The following KCTD16 variants were observed in gnomAD, a reference collection of about 807,000 sequenced individuals.
KCTD16 encodes the protein BTB/POZ domain-containing protein KCTD16.
Under a neutral mutation model 33.2 loss-of-function variants are expected in KCTD16, and 13 were observed. That is an observed-to-expected ratio of 0.39 (90% CI 0.25 to 0.62). The LOEUF (loss-of-function observed/expected upper bound fraction) is 0.62. Among genes scored for constraint, KCTD16 ranks in the 20% least tolerant of loss-of-function variants. The pLI is 0.50. For synonymous variants in KCTD16, 197 were observed against 195.3 expected, an observed-to-expected ratio of 1.01 and a Z score of -0.07; for missense variants, 441 against 525.1, an observed-to-expected ratio of 0.84 and a Z score of 1.57.
chr5:144,323,276 A>G (rs1444351760), intron 3 of KCTD16, among the ~76,000 whole-genome samples: 4 of 152,172 alleles, frequency 2.6e-5, no homozygotes, highest in South Asian at 2.1e-4. Context: ...TTTCTTTTCT[A>G]TCAGCCTTTT....
At chr5:144,200,657 A>G (rs1343784632) in intron 2 of KCTD16, among the ~76,000 whole-genome samples, 1 of 152,276 alleles carries the variant, frequency 6.6e-6, no homozygotes, top group Non-Finnish European at 1.5e-5. Context: ...TGTCAAAATC[A>G]TACGTGAACT....
At chr5:144,338,185 A>G (rs929297218) in intron 3 of KCTD16, among the ~76,000 whole-genome samples, 2 of 152,184 alleles carry the variant, frequency 1.3e-5, no homozygotes, top group Non-Finnish European at 1.5e-5. Flanking sequence ...GATCTTCTAC[A>G]TCAAGTGACT....
chr5:144,477,559 C>G lies in KCTD16; in HGVS notation c.*3445C>G, dbSNP rs1754621440. On this transcript the variant is annotated 3_prime_UTR_variant, in exon 4 of 4. Transcript: ENST00000512467. ...ACAGGTGTGTTGCTTGTTCTGGGCC[C>G]CATTACTGCCTGCGCTTCTGGATTA... 1 of 152,012 alleles carries G rather than the reference C, an allele frequency of 6.6e-6. No individual in the cohort carries two copies. The highest frequency in any genetic ancestry group is 2.1e-4 in the South Asian group (1 of 4,808). The allele number at this position is 152,012 out of a possible 1,614,324, so 9.4% of individuals were successfully genotyped here. A position where few individuals can be genotyped will look rare whatever the true frequency, so the allele number is the denominator to read the frequency against.
intron 3 of KCTD16, among the ~76,000 whole-genome samples, chr5:144,453,368 T>A (rs1317414600): frequency 1.3e-5 from 2 of 152,272 alleles, no homozygotes; most frequent in East Asian, 3.9e-4. Context: ...AGTCTTCCTC[T>A]ATCTTGATGC....
chr5:144,272,161 T>C (rs1200975228), intron 3 of KCTD16, among the ~76,000 whole-genome samples: 1 of 152,112 alleles, frequency 6.6e-6, no homozygotes, highest in Non-Finnish European at 1.5e-5. Flanking sequence ...TCTTTCCTCA[T>C]GCCTGTAATC....
chr5:144,345,206 G>T (rs1168660734), intron 3 of KCTD16, among the ~76,000 whole-genome samples: 2 of 142,894 alleles, frequency 1.4e-5, no homozygotes. Context: ...GGACTGTTGT[G>T]GGGTGGGGGA....
At chr5:144,344,345 C>A in intron 3 of KCTD16, among the ~76,000 whole-genome samples, 1 of 142,372 alleles carries the variant, frequency 7.0e-6, no homozygotes. Flanking sequence ...CAACAAAAGC[C>A]AAAATTGACA....
intron 3 of KCTD16, among the ~76,000 whole-genome samples, chr5:144,386,980 T>C (rs552291419): frequency 4.6e-5 from 7 of 151,988 alleles, no homozygotes; most frequent in Non-Finnish European, 1.0e-4. Context: ...CAAAGCACTT[T>C]TTTTTTTTGA....
intron 3 of KCTD16, among the ~76,000 whole-genome samples, chr5:144,459,597 G>A (rs891335101): frequency 1.3e-5 from 2 of 151,890 alleles, no homozygotes; most frequent in Non-Finnish European, 2.9e-5. Flanking sequence ...TGATCTGCTC[G>A]CCTCAGCCTC....
intron 3 of KCTD16, among the ~76,000 whole-genome samples, chr5:144,397,897 A>G (rs1752610643): frequency 6.6e-6 from 1 of 152,198 alleles, no homozygotes; most frequent in Non-Finnish European, 1.5e-5. Context: ...GATGTTAGTG[A>G]GAAGAACATG....
chr5:144,341,092 G>A (rs565822108), intron 3 of KCTD16, among the ~76,000 whole-genome samples: 2 of 152,182 alleles, frequency 1.3e-5, no homozygotes, highest in South Asian at 4.1e-4. Flanking sequence ...GAATCTGATG[G>A]CACTTTGGCT....
intron 3 of KCTD16, chr5:144,383,065 C>T (rs970475481): frequency 6.6e-6 from 1 of 152,180 alleles, no homozygotes; most frequent in African/African-American, 2.4e-5. Flanking sequence ...GTTACCTCTG[C>T]AGAGAAGCAG....
At chr5:144,325,661 A>G (rs758635975) in intron 3 of KCTD16, among the ~76,000 whole-genome samples, 22 of 152,018 alleles carry the variant, frequency 1.4e-4, no homozygotes, top group Non-Finnish European at 3.1e-4. Context: ...CAGCCTGGGT[A>G]TGACGTGCTC....
Position 144,425,725 on chromosome 5 carries a change from G to C in KCTD16, c.833-47935G>C, listed in dbSNP as rs77171805. Among the ~76,000 whole-genome samples, 348 of 152,184 alleles carry C rather than the reference G, an allele frequency of 2.3e-3. 1 individual carries two copies. The highest frequency in any genetic ancestry group is 8.0e-3 in the African/African-American group (333 of 41,540). ...CCATGACTGAGGCAAAAGAAGCACTGTGCTGGAATGCAAGGAACAGAGTCC... is the reference window on the plus strand; with the variant it reads ...CCATGACTGAGGCAAAAGAAGCACTCTGCTGGAATGCAAGGAACAGAGTCC... On this transcript the variant is annotated intron_variant, in intron 3 of 3. Transcript: ENST00000512467.
chr5:144,376,692 G>A (rs1443181810), intron 3 of KCTD16, among the ~76,000 whole-genome samples: 1 of 152,222 alleles, frequency 6.6e-6, no homozygotes, highest in East Asian at 1.9e-4. Context: ...AATCCTTCCT[G>A]TGAGTCCTAG....
chr5:144,431,133 T>C (rs1286947048), intron 3 of KCTD16, among the ~76,000 whole-genome samples: 1 of 152,068 alleles, frequency 6.6e-6, no homozygotes, highest in Non-Finnish European at 1.5e-5. Context: ...AATTATGAAT[T>C]GAGAAATTAG....
chr5:144,187,019 T>C (rs1752741038), intron 2 of KCTD16, among the ~76,000 whole-genome samples: 2 of 152,152 alleles, frequency 1.3e-5, no homozygotes, highest in South Asian at 4.1e-4. Context: ...ATGATTCAAA[T>C]AATCACTCCT....
At chr5:144,339,184 A>G (rs551386569) in intron 3 of KCTD16, among the ~76,000 whole-genome samples, 7 of 152,260 alleles carry the variant, frequency 4.6e-5, no homozygotes, top group Admixed American at 1.3e-4. Context: ...ACCTCATTCA[A>G]TCTTCTCAAT....
At position 144,199,589 on chromosome 5, in the gene KCTD16, T is replaced by C. The variant is rs576817223; in HGVS notation, c.-326-6800T>C. Among the ~76,000 whole-genome samples the C allele has an allele frequency of 7.2e-5, 11 of 152,254 alleles. No homozygotes were observed. The East Asian group carries it at 2.1e-3, about 29-fold the overall frequency. ...TCAGAAATAAGTATATTTCTGTTGGTTAGGCTTCATGCTGATGAGATCACA... is the reference window on the plus strand; with the variant it reads ...TCAGAAATAAGTATATTTCTGTTGGCTAGGCTTCATGCTGATGAGATCACA... On this transcript the variant is annotated intron_variant, in intron 2 of 3. Transcript: ENST00000512467.
Sources: allele counts gnomAD v4.1 joint callset (sites outside exome capture counted in the v4.1 genomes callset), GRCh38; gene constraint gnomAD v4.1.1; transcripts MANE v1.5; gene names NCBI Gene and HGNC (gene_info 2026-07-23, HGNC 2026-07-21).